FAM13C: variants seen among roughly 807,000 people sequenced by gnomAD.
FAM13C encodes the protein protein FAM13C.
Under a neutral mutation model 73.2 loss-of-function variants are expected in FAM13C, and 37 were observed. The ratio of observed to expected loss-of-function variants is 0.51; its 90% CI spans 0.39 to 0.67. FAM13C has a LOEUF of 0.67. Ranked by LOEUF, FAM13C falls within the 30% of genes least tolerant of loss-of-function variation. The pLI is 0.00. For missense variants in FAM13C, 589 were observed against 715.6 expected (o/e 0.82, Z 2.02); for synonymous variants, 246 against 260.9 (o/e 0.94, Z 0.55).
intron 4 of FAM13C, among the ~76,000 whole-genome samples, chr10:59,315,158 C>G (rs1054840928): frequency 6.6e-5 from 10 of 152,198 alleles, no homozygotes; most frequent in Admixed American, 6.5e-5. Context: ...CTGCCAATTA[C>G]AAGCTTAATA....
At chr10:59,311,579 T>G (rs991165887) in intron 4 of FAM13C, among the ~76,000 whole-genome samples, 1 of 152,182 alleles carries the variant, frequency 6.6e-6, no homozygotes, top group African/African-American at 2.4e-5. Context: ...TAACCAATAC[T>G]TCAGCTCCAA....
chr10:59,274,834 A>G (rs1844144747), intron 6 of FAM13C, among the ~76,000 whole-genome samples: 1 of 152,208 alleles, frequency 6.6e-6, no homozygotes, highest in Non-Finnish European at 1.5e-5. Flanking sequence ...TCAGATAACA[A>G]CAAGGCTGAA....
At chr10:59,274,875 T>C (rs2133603699) in intron 6 of FAM13C, among the ~76,000 whole-genome samples, 1 of 152,332 alleles carries the variant, frequency 6.6e-6, no homozygotes, top group East Asian at 1.9e-4. Flanking sequence ...GGGTTCTCCC[T>C]GAGCTGTGGA....
chr10:59,357,413 T>C (rs1401308358), intron 1 of FAM13C, among the ~76,000 whole-genome samples: 1 of 152,230 alleles, frequency 6.6e-6, no homozygotes, highest in East Asian at 1.9e-4. Context: ...TTTATTTTCC[T>C]AGATATATTG....
upstream of FAM13C, chr10:59,362,835 C>CT (rs1856566067): frequency 7.0e-6 from 2 of 285,488 alleles, no homozygotes; most frequent in Non-Finnish European, 1.3e-5. Flanking sequence ...GAGAATGCCC[C>CT]AGTGTTTCTG....
intron 3 of FAM13C, among the ~76,000 whole-genome samples, chr10:59,346,092 T>G (rs1854254803): frequency 6.6e-6 from 1 of 152,204 alleles, no homozygotes. Flanking sequence ...TGTACTGGTT[T>G]TCTTGCTTTT....
chr10:59,316,533 T>C (rs1012260061), intron 4 of FAM13C, among the ~76,000 whole-genome samples: 3 of 152,122 alleles, frequency 2.0e-5, no homozygotes, highest in Non-Finnish European at 2.9e-5. Context: ...GGCTATTTCG[T>C]TGTTGTGCAA....
At chr10:59,332,858 C>T (rs1457113433) in intron 3 of FAM13C, among the ~76,000 whole-genome samples, 3 of 152,178 alleles carry the variant, frequency 2.0e-5, no homozygotes, top group Admixed American at 2.0e-4. Flanking sequence ...TCTGTCCTCA[C>T]TTCTCAGCCA....
intron 4 of FAM13C, among the ~76,000 whole-genome samples, chr10:59,307,411 C>T (rs1185828245): frequency 2.0e-5 from 3 of 152,180 alleles, no homozygotes; most frequent in East Asian, 3.9e-4. Context: ...GACTTCAATT[C>T]ACCAGCCCTT....
At chr10:59,311,238 A>AG (rs1848883251) in intron 4 of FAM13C, among the ~76,000 whole-genome samples, 1 of 152,208 alleles carries the variant, frequency 6.6e-6, no homozygotes, top group Non-Finnish European at 1.5e-5. Flanking sequence ...TCAGGTGCAC[A>AG]GGGCCAGCTT....
intron 10 of FAM13C, among the ~76,000 whole-genome samples, chr10:59,256,785 G>A (rs956009192): frequency 6.6e-6 from 1 of 152,140 alleles, no homozygotes; most frequent in African/African-American, 2.4e-5. Flanking sequence ...AAGCTCTGCA[G>A]GATACCCCAA....
intron 5 of FAM13C, among the ~76,000 whole-genome samples, chr10:59,289,185 A>G (rs990656377): frequency 3.3e-5 from 5 of 152,200 alleles, no homozygotes; most frequent in African/African-American, 1.2e-4. Context: ...AATAGGGTGC[A>G]TGCTCCTGAG....
chr10:59,326,630 A>G (rs999137492), intron 3 of FAM13C, among the ~76,000 whole-genome samples: 1 of 152,152 alleles, frequency 6.6e-6, no homozygotes, highest in African/African-American at 2.4e-5. Context: ...CTCATAAGAA[A>G]AGGAATAAAG....
chr10:59,261,813 A>G (rs1457029118), intron 10 of FAM13C, among the ~76,000 whole-genome samples: 1 of 152,162 alleles, frequency 6.6e-6, no homozygotes, highest in Non-Finnish European at 1.5e-5. Context: ...AACCAGGTAA[A>G]TACTAATCAG....
chr10:59,277,093 A>G (rs1844399854), intron 6 of FAM13C, among the ~76,000 whole-genome samples: 1 of 152,186 alleles, frequency 6.6e-6, no homozygotes, highest in African/African-American at 2.4e-5. Context: ...CATGAAGCAG[A>G]GGTTCAATAG....
At chr10:59,328,210 G>A (rs1242037954) in intron 3 of FAM13C, among the ~76,000 whole-genome samples, 1 of 152,156 alleles carries the variant, frequency 6.6e-6, no homozygotes, top group Non-Finnish European at 1.5e-5. Context: ...CATAATTTAG[G>A]CTATTTATCT....
intron 5 of FAM13C, among the ~76,000 whole-genome samples, chr10:59,293,685 A>G (rs554469405): frequency 1.1e-4 from 17 of 152,200 alleles, no homozygotes; most frequent in Admixed American, 1.3e-4. Flanking sequence ...AAAATGTCCT[A>G]AAAAAGACAA....
chr10:59,333,914 T>C (rs1852359609), intron 3 of FAM13C, among the ~76,000 whole-genome samples: 1 of 152,184 alleles, frequency 6.6e-6, no homozygotes, highest in Non-Finnish European at 1.5e-5. Context: ...AACTAGTCAT[T>C]GAGGATTTTA....
At position 59,252,895 on chromosome 10, in the gene FAM13C, G is replaced by C. The variant is rs1841533455; in HGVS notation, c.1436C>G (p.Ser479Cys). ...HLPVGDHLTYSNETEPVRALL... is the reference protein window; with the variant it reads ...HLPVGDHLTYCNETEPVRALL... ...GGCCCTAACAGGCTCAGTCTCATTAGAGTAGGTGAGGTGGTCACCAACAGG... is the reference window on the plus strand; with the variant it reads ...GGCCCTAACAGGCTCAGTCTCATTACAGTAGGTGAGGTGGTCACCAACAGG... The change falls in exon 12 of 14, where the codon TCT (serine) becomes TGT (cysteine). Residue 479 changes from serine (S) to cysteine (C), a missense_variant. Ser to Cys is a moderately radical substitution (Grantham distance 112). Coordinates refer to ENST00000618804, the MANE Select transcript of FAM13C (RefSeq NM_198215.4). The C allele has an allele frequency of 1.9e-6, 3 of 1,614,124 alleles. No individual in the cohort carries two copies. The highest frequency in any genetic ancestry group is 2.5e-6 in the Non-Finnish European group (3 of 1,179,992).
Sources: allele counts gnomAD v4.1 joint callset (sites outside exome capture counted in the v4.1 genomes callset), GRCh38; gene constraint gnomAD v4.1.1; transcripts MANE v1.5; gene names NCBI Gene and HGNC (gene_info 2026-07-23, HGNC 2026-07-21).